EIF3M: variants seen among roughly 807,000 people sequenced by gnomAD.
EIF3M encodes B5 receptor.
EIF3M carries 25 observed loss-of-function variants against 49.7 expected under a neutral mutation model. That is an observed-to-expected ratio of 0.50 (90% CI 0.37 to 0.70). The LOEUF is 0.70. Ranked by LOEUF, EIF3M falls within the 30% of genes least tolerant of loss-of-function variation. EIF3M has a pLI of 0.00. For missense variants in EIF3M, 350 were observed against 440.0 expected (o/e 0.80, Z 1.83); for synonymous variants, 156 against 149.8 (o/e 1.04, Z -0.30).
chr11:32,586,798 G>C (rs1855007287), intron 1 of EIF3M: 2 of 428,930 alleles, frequency 4.7e-6, no homozygotes, highest in Non-Finnish European at 8.2e-6. Flanking sequence ...CATGGGGGCT[G>C]TAGTGTGTCT....
chr11:32,592,140 T>G (rs999325346), intron 5 of EIF3M: 18 of 344,134 alleles, frequency 5.2e-5, no homozygotes, highest in Non-Finnish European at 8.4e-5. Flanking sequence ...TATCCTCCTC[T>G]TCCACCAGAG....
chr11:32,598,786 A>G (rs1315333679), intron 8 of EIF3M, among the ~76,000 whole-genome samples: 13 of 152,080 alleles, frequency 8.5e-5, no homozygotes, highest in African/African-American at 1.7e-4. Flanking sequence ...CTATCACTTT[A>G]TATTGAAAGA....
chr11:32,588,630 T>A lies in EIF3M; in HGVS notation c.212T>A (p.Leu71His). The A allele has an allele frequency of 6.2e-7, 1 of 1,614,194 alleles. No individual in the cohort carries two copies. The highest frequency in any genetic ancestry group is 8.5e-7 in the Non-Finnish European group (1 of 1,180,046). ...GTGATGAACAGTGTGGTATCCCTAC[T>A]CTTGATCCTGGAACCAGACAAGCAA... Reference protein sequence around the residue: ...ESVMNSVVSLLLILEPDKQEA... With the variant: ...ESVMNSVVSLHLILEPDKQEA... Residue 71 changes from leucine to histidine, a missense_variant, in exon 3 of 11, where the codon CTC becomes CAC. Leu to His is a moderately conservative substitution (Grantham distance 99). Coordinates refer to ENST00000531120, the MANE Select transcript of EIF3M (RefSeq NM_006360.6).
chr11:32,588,387 T>TG (rs1285004595), intron 2 of EIF3M, among the ~76,000 whole-genome samples: 27 of 83,178 alleles, frequency 3.2e-4, no homozygotes, highest in Middle Eastern at 0.01. Context: ...AGACTTCATC[T>TG]GAAAAAAAAA....
At chr11:32,601,242 A>G (rs1855257758) in intron 9 of EIF3M, 2 of 155,940 alleles carry the variant, frequency 1.3e-5, no homozygotes, top group Non-Finnish European at 2.8e-5. Flanking sequence ...AACCATTACC[A>G]GTTTTTTTAT....
chr11:32,602,493 T>C lies in EIF3M; in HGVS notation c.*94T>C. ...AAAAAATTTGCCTAGTCTGGACAGT[T>C]ATTGTCTCAAATTTATACTAAAATC... On this transcript the variant is annotated 3_prime_UTR_variant, in exon 11 of 11. Transcript: ENST00000531120. 1.4e-6 allele frequency: 2 copies of C among 1,401,672 alleles called. No individual in the cohort carries two copies. The highest frequency in any genetic ancestry group is 1.9e-6 in the Non-Finnish European group (2 of 1,049,318). 86.8% of individuals were successfully genotyped at this position (1,401,672 alleles called of 1,614,324 possible). A position where few individuals can be genotyped will look rare whatever the true frequency, so the allele number is the denominator to read the frequency against.
chr11:32,599,011 TTTATA>T (rs1275279739), intron 8 of EIF3M, among the ~76,000 whole-genome samples: 15 of 152,096 alleles, frequency 9.9e-5, no homozygotes, highest in Non-Finnish European at 1.3e-4. Context: ...AGAAAACATC[TTTATA>T]TTAATGTGTA....
At chr11:32,587,391 C>T (rs1231417923) in intron 2 of EIF3M, among the ~76,000 whole-genome samples, 1 of 152,146 alleles carries the variant, frequency 6.6e-6, no homozygotes, top group Non-Finnish European at 1.5e-5. Flanking sequence ...ATTATCAAAT[C>T]AGGGTAATTG....
At chr11:32,592,221 C>T (rs1313685652) in intron 5 of EIF3M, 3 of 392,620 alleles carry the variant, frequency 7.6e-6, no homozygotes, top group African/African-American at 2.1e-5. Flanking sequence ...AGATCCACTC[C>T]ACAACTGCAT....
Position 32,589,069 on chromosome 11 carries a change from T to C in EIF3M, c.372T>C (p.Tyr124=), listed in dbSNP as rs1293285878. The part of the protein sequence containing the change: ...DKNTPVRYTV[Y]CSLIKVAASC... ...ATACTCCTGTAAGATACACAGTGTA[T>C]TGCAGCCTTATTAAAGTGGCAGCAT... Residue 124 remains tyrosine (Y), a synonymous_variant, in exon 4 of 11, where the codon TAT becomes TAC. Transcript: ENST00000531120. 4 of 1,614,222 alleles carry C rather than the reference T, an allele frequency of 2.5e-6. No homozygotes were observed. In the South Asian group the frequency reaches 3.3e-5, roughly 13 times the overall value.
chr11:32,598,986 GT>G (rs1230304320), intron 8 of EIF3M, among the ~76,000 whole-genome samples: 9 of 151,982 alleles, frequency 5.9e-5, no homozygotes, highest in Middle Eastern at 3.4e-3. Flanking sequence ...TTAGAAATTT[GT>G]TTATATGCTT....
At chr11:32,584,130 G>C (rs887507430) in intron 1 of EIF3M, 2 of 640,432 alleles carry the variant, frequency 3.1e-6, no homozygotes, top group Non-Finnish European at 5.3e-6. Context: ...CCCAGCGCGG[G>C]GCCCGACGCT....
chr11:32,587,190 A>G, intron 2 of EIF3M, 46 bp downstream of exon 2: 2 of 1,518,504 alleles, frequency 1.3e-6, no homozygotes, highest in Non-Finnish European at 1.8e-6. Flanking sequence ...AAATCTTTTA[A>G]ATTTTTCTTG....
intron 1 of EIF3M, 70 bp downstream of exon 1, chr11:32,583,999 C>A: frequency 6.3e-7 from 1 of 1,593,616 alleles, no homozygotes; most frequent in East Asian, 2.3e-5. Flanking sequence ...GGACCGCTGC[C>A]GAGCCTGGGC....
At chr11:32,598,159 A>G (rs1172962447) in intron 8 of EIF3M, among the ~76,000 whole-genome samples, 1 of 152,160 alleles carries the variant, frequency 6.6e-6, no homozygotes, top group Non-Finnish European at 1.5e-5. Context: ...CCAAGGAAAA[A>G]GGAGTAGTAA....
chr11:32,604,082 A>G lies in EIF3M; in HGVS notation c.*1683A>G, dbSNP rs1855313355. 6.6e-6 allele frequency: 1 copy of G among 151,992 alleles called. No homozygotes were observed. Among genetic ancestry groups the G allele is most frequent in the Non-Finnish European group, 1.5e-5 (1 of 67,892 alleles). 9.4% of individuals were successfully genotyped at this position (151,992 alleles called of 1,614,324 possible). A position where few individuals can be genotyped will look rare whatever the true frequency, so the allele number is the denominator to read the frequency against. ...ACCCTCTCTCAAAAATAAATAATAG[A>G]TAAAACAAAAGGAATACTGAATTGT... On this transcript the variant is annotated 3_prime_UTR_variant, in exon 11 of 11. Transcript: ENST00000531120.
intron 2 of EIF3M, among the ~76,000 whole-genome samples, chr11:32,587,715 G>A (rs1855022534): frequency 6.6e-6 from 1 of 152,190 alleles, no homozygotes; most frequent in South Asian, 2.1e-4. Flanking sequence ...ACAGTTTCAA[G>A]TAATCTAATA....
intron 8 of EIF3M, among the ~76,000 whole-genome samples, chr11:32,597,408 C>T (rs915363928): frequency 2.0e-5 from 3 of 151,916 alleles, no homozygotes; most frequent in African/African-American, 7.3e-5. Flanking sequence ...ATAGTATTGC[C>T]AGTTAGATCT....
chr11:32,588,793 T>C, intron 3 of EIF3M, 61 bp downstream of exon 3: 2 of 1,607,468 alleles, frequency 1.2e-6, no homozygotes, highest in Non-Finnish European at 1.7e-6. Flanking sequence ...TTACTAACTT[T>C]TAATGGTGCA....
Sources: gnomAD v4.1 joint callset for allele counts (sites outside exome capture counted in the v4.1 genomes callset) on GRCh38, gnomAD v4.1.1 for gene constraint, MANE v1.5 for transcripts, NCBI Gene and HGNC (gene_info 2026-07-23, HGNC 2026-07-21) for gene names.